ACSS3: variants seen among roughly 807,000 people sequenced by gnomAD.
ACSS3 encodes the protein acyl-CoA synthetase short-chain family member 3, mitochondrial.
A neutral mutation model predicts 84.2 loss-of-function variants in ACSS3; 64 were observed. The observed-to-expected ratio is 0.76, with a 90% CI of 0.62 to 0.94. The LOEUF is 0.94. Ranked by LOEUF, ACSS3 falls within the 40% of genes least tolerant of loss-of-function variation. The pLI, the probability that ACSS3 is intolerant of heterozygous loss-of-function variation, is 0.00. For synonymous variants in ACSS3, 317 were observed against 310.1 expected (o/e 1.02, Z -0.23); for missense variants, 815 against 867.6 (o/e 0.94, Z 0.76).
intron 7 of ACSS3, among the ~76,000 whole-genome samples, chr12:81,169,855 T>C (rs2029896123): frequency 6.6e-6 from 1 of 152,160 alleles, no homozygotes; most frequent in Non-Finnish European, 1.5e-5. Flanking sequence ...ACTCTCTGCA[T>C]CACCTATCTG....
At chr12:81,113,489 T>C (rs1189727070) in intron 2 of ACSS3, among the ~76,000 whole-genome samples, 2 of 152,156 alleles carry the variant, frequency 1.3e-5, no homozygotes, top group Non-Finnish European at 2.9e-5. Context: ...ATTCCTTACA[T>C]TTTATTTGTC....
At chr12:81,105,834 T>A (rs1441980513) in intron 1 of ACSS3, among the ~76,000 whole-genome samples, 1 of 152,120 alleles carries the variant, frequency 6.6e-6, no homozygotes, top group African/African-American at 2.4e-5. Flanking sequence ...AACATCTGAG[T>A]GGAGCAATGT....
At chr12:81,224,956 C>T (rs2033224809) in intron 11 of ACSS3, among the ~76,000 whole-genome samples, 1 of 151,794 alleles carries the variant, frequency 6.6e-6, no homozygotes, top group African/African-American at 2.4e-5. Context: ...CTGATGCTGG[C>T]ATATTGTTCT....
At chr12:81,187,640 A>G (rs905027985) in intron 8 of ACSS3, among the ~76,000 whole-genome samples, 2 of 151,954 alleles carry the variant, frequency 1.3e-5, no homozygotes, top group African/African-American at 4.8e-5. Flanking sequence ...CAAGTAAATA[A>G]TATAAACCCG....
At chr12:81,156,185 A>AACAC (rs58156251) in intron 7 of ACSS3, among the ~76,000 whole-genome samples, 10,052 of 141,716 alleles carry the variant, frequency 0.071, 406 homozygotes, top group Admixed American at 0.12. Flanking sequence ...TATCCAGGAA[A>AACAC]ACACACACAC....
At chr12:81,193,115 A>G (rs1215408828) in intron 8 of ACSS3, among the ~76,000 whole-genome samples, 1 of 152,182 alleles carries the variant, frequency 6.6e-6, no homozygotes, top group African/African-American at 2.4e-5. Flanking sequence ...TTAAAAGTGA[A>G]TTCTAATGGG....
At chr12:81,196,215 T>C (rs1235354012) in intron 8 of ACSS3, among the ~76,000 whole-genome samples, 1 of 152,120 alleles carries the variant, frequency 6.6e-6, no homozygotes, top group Non-Finnish European at 1.5e-5. Flanking sequence ...AAGAATTCTG[T>C]TGTTTCTTCA....
intron 8 of ACSS3, among the ~76,000 whole-genome samples, chr12:81,188,814 C>G (rs898865475): frequency 3.3e-5 from 5 of 152,212 alleles, no homozygotes; most frequent in African/African-American, 1.2e-4. Flanking sequence ...TACAGTCATA[C>G]ATTTACTCCG....
chr12:81,231,224 C>A, intron 12 of ACSS3, 86 bp downstream of exon 12: 1 of 1,144,836 alleles, frequency 8.7e-7, no homozygotes. Context: ...CTCCTAGAAT[C>A]GTAGATCAAA....
intron 1 of ACSS3, chr12:81,104,858 ATTTT>A (rs1177702838): frequency 1.3e-5 from 2 of 152,076 alleles, no homozygotes; most frequent in South Asian, 2.1e-4. Context: ...TCAGATTATT[ATTTT>A]TGTTTATTTT....
chr12:81,149,104 A>G (rs1886489617), intron 5 of ACSS3, among the ~76,000 whole-genome samples: 1 of 151,920 alleles, frequency 6.6e-6, no homozygotes, highest in Non-Finnish European at 1.5e-5. Context: ...AAGTGCATAT[A>G]GAAGGTAATA....
chr12:81,100,363 T>G (rs1882413134), intron 1 of ACSS3, among the ~76,000 whole-genome samples: 1 of 152,074 alleles, frequency 6.6e-6, no homozygotes, highest in Non-Finnish European at 1.5e-5. Context: ...AGCTATCTTC[T>G]TTACAGATCG....
chr12:81,102,623 C>T (rs1794083830), intron 1 of ACSS3, among the ~76,000 whole-genome samples: 2 of 151,806 alleles, frequency 1.3e-5, no homozygotes, highest in Non-Finnish European at 2.9e-5. Flanking sequence ...GAGATAAAGA[C>T]CATACTGGCC....
At chr12:81,249,892 C>T (rs1483001301) in intron 13 of ACSS3, among the ~76,000 whole-genome samples, 1 of 151,996 alleles carries the variant, frequency 6.6e-6, no homozygotes, top group Non-Finnish European at 1.5e-5. Flanking sequence ...AATTGAAAAA[C>T]CTGTGTAGGT....
intron 1 of ACSS3, among the ~76,000 whole-genome samples, chr12:81,099,953 A>T (rs1384753899): frequency 6.6e-6 from 1 of 152,114 alleles, no homozygotes; most frequent in Non-Finnish European, 1.5e-5. Flanking sequence ...AGATATCCAC[A>T]CACGTTCACT....
chr12:81,174,615 T>G, intron 7 of ACSS3, 173 bp from the exon 8 acceptor site: 1 of 607,182 alleles, frequency 1.6e-6, no homozygotes, highest in East Asian at 2.9e-5. Flanking sequence ...GTCTCTGTTA[T>G]GCCTGGGTAT....
At chr12:81,226,104 G>A (rs1482622220) in intron 11 of ACSS3, among the ~76,000 whole-genome samples, 1 of 151,808 alleles carries the variant, frequency 6.6e-6, no homozygotes, top group Non-Finnish European at 1.5e-5. Context: ...TCTAGCTGTT[G>A]CTTTCCCCAC....
At chr12:81,243,036 G>A (rs959311236) in intron 13 of ACSS3, among the ~76,000 whole-genome samples, 1 of 151,752 alleles carries the variant, frequency 6.6e-6, no homozygotes, top group African/African-American at 2.4e-5. Context: ...AGGAAATAAA[G>A]GGTATTCAAT....
intron 2 of ACSS3, among the ~76,000 whole-genome samples, chr12:81,121,240 G>C (rs1884568943): frequency 6.6e-6 from 1 of 152,180 alleles, no homozygotes; most frequent in South Asian, 2.1e-4. Context: ...GTGTAGTCAG[G>C]GTAGTTGTCA....
Sources: gnomAD v4.1 joint callset for allele counts (sites outside exome capture counted in the v4.1 genomes callset) on GRCh38, gnomAD v4.1.1 for gene constraint, MANE v1.5 for transcripts, NCBI Gene and HGNC (gene_info 2026-07-23, HGNC 2026-07-21) for gene names.